The following COL9A1 variants were observed in gnomAD, a reference collection of about 807,000 sequenced individuals.
The protein encoded by COL9A1 is collagen alpha-1(IX) chain.
Under a neutral mutation model 142.6 loss-of-function variants are expected in COL9A1, and 104 were observed. The observed-to-expected ratio is 0.73, with a 90% CI of 0.62 to 0.86. The LOEUF (loss-of-function observed/expected upper bound fraction) is 0.86, where lower values mean the gene tolerates loss of function less well. COL9A1 is among the 40% of genes least tolerant of loss of function. The pLI is 0.00. For synonymous variants in COL9A1, 466 were observed against 396.0 expected (o/e 1.18, Z -2.10); for missense variants, 1,210 against 1,176.6 (o/e 1.03, Z -0.42).
At position 70,283,824 on chromosome 6, in the gene COL9A1, G is replaced by C. The variant is rs760266478; in HGVS notation, c.697-4C>G. 10 of 1,600,818 alleles carry C rather than the reference G, an allele frequency of 6.2e-6. No individual in the cohort carries two copies. In the African/African-American group the frequency reaches 1.3e-4, roughly 21 times the overall value. The stretch of plus-strand genomic sequence containing the variant: ...TCAGCATCCATTGAAGTTCAAACTG[G>C]AGAAAGGTAGTAGACAGTCAGGTAA... On this transcript the variant is annotated splice_polypyrimidine_tract_variant and splice_region_variant and intron_variant, in intron 5 of 37. Transcript: ENST00000357250.
chr6:70,218,490 G>A (rs1410952909), intron 37 of COL9A1, among the ~76,000 whole-genome samples: 1 of 152,192 alleles, frequency 6.6e-6, no homozygotes, highest in East Asian at 1.9e-4. Flanking sequence ...TGCAAAAGTG[G>A]TGATGAGAAG....
In COL9A1 at chr6:70,242,002, G is replaced by A; in HGVS notation, c.1960C>T (p.Pro654Ser). ...ATTCCAGGAAGTCCAGGGGGCCCAG[G>A]CAAGCCAGGGAGGCCAGGGCTACCC... ...SLGSPGLPGL[P>S]GPPGLPGMKG... The change falls in exon 30 of 38, where the codon CCT becomes TCT. Residue 654 changes from proline to serine, a missense_variant. Physicochemically the swap from Pro to Ser is moderately conservative, Grantham distance 74. Coordinates refer to ENST00000357250, the MANE Select transcript of COL9A1 (RefSeq NM_001851.6). 6.2e-7 allele frequency: 1 copy of A among 1,600,172 alleles called. No individual in the cohort carries two copies. The highest frequency in any genetic ancestry group is 1.3e-5 in the African/African-American group (1 of 74,666).
intron 24 of COL9A1, 33 bp downstream of exon 24, chr6:70,254,924 ACAGCCC>A (rs1771178645): frequency 6.3e-7 from 1 of 1,581,320 alleles, no homozygotes; most frequent in African/African-American, 1.3e-5. Flanking sequence ...CAGGGCAGAG[ACAGCCC>A]CACTCACTCT....
rs9455021 is a variant in COL9A1, at chr6:70,288,400, C to T, written c.697-4580G>A. ...AGCTCTTAAGTAGCCCTTGCTCCTA[C>T]ACTCTTATGTCCTTCTCTCCCTTCT... On this transcript the variant is annotated intron_variant, in intron 5 of 37. Coordinates refer to ENST00000357250, the MANE Select transcript of COL9A1 (RefSeq NM_001851.6). 5.5e-3 allele frequency among the ~76,000 whole-genome samples: 836 copies of T among 152,300 alleles called. 8 individuals carry two copies. The highest frequency in any genetic ancestry group is 0.019 in the African/African-American group (793 of 41,566).
intron 10 of COL9A1, among the ~76,000 whole-genome samples, chr6:70,276,655 A>G (rs1198483900): frequency 6.6e-6 from 1 of 152,210 alleles, no homozygotes; most frequent in African/African-American, 2.4e-5. Context: ...CGTAAGCTCC[A>G]TGAGGACAAG....
chr6:70,288,873 C>G (rs1773553336), intron 5 of COL9A1, among the ~76,000 whole-genome samples: 1 of 152,154 alleles, frequency 6.6e-6, no homozygotes, highest in Non-Finnish European at 1.5e-5. Context: ...TATGTATTTA[C>G]AGTATCTGTC....
chr6:70,279,180 T>C (rs1481803969), intron 10 of COL9A1, among the ~76,000 whole-genome samples: 1 of 152,258 alleles, frequency 6.6e-6, no homozygotes, highest in African/African-American at 2.4e-5. Context: ...TCAAGCTACA[T>C]TAGGCTACCA....
Position 70,263,996 on chromosome 6 carries a change from T to C in COL9A1, c.1342-699A>G, listed in dbSNP as rs1316624894. 3.9e-5 allele frequency among the ~76,000 whole-genome samples: 6 copies of C among 151,934 alleles called. No homozygotes were observed. The East Asian group carries it at 1.2e-3, about 29-fold the overall frequency. ...CTTTTTTCTTAGTAACGGGCCACTC[T>C]TCCAATAATAGATTCTCTCCACACA... On this transcript the variant is annotated intron_variant, in intron 18 of 37. Transcript: ENST00000357250.
rs71309305 is a variant in COL9A1 at position 70,273,941 on chromosome 6, T to TAATAAATAAATAAATA, written c.1065+90_1065+105dup. 262 of 474,154 alleles carry TAATAAATAAATAAATA rather than the reference T, an allele frequency of 5.5e-4. 1 individual carries two copies. The highest frequency in any genetic ancestry group is 1.6e-3 in the African/African-American group (70 of 45,010). The allele number at this position is 474,154 out of a possible 1,614,324, so 29.4% of individuals were successfully genotyped here. On this transcript the variant is annotated intron_variant, in intron 12 of 37. Transcript: ENST00000357250. ...ATGTACCCTAAAACTTAAAGTATAA[T>TAATAAATAAATAAATA]AATAAATAAATAAATAAATAAATAA...
At chr6:70,220,659 A>G (rs966075989) in intron 37 of COL9A1, among the ~76,000 whole-genome samples, 16 of 152,108 alleles carry the variant, frequency 1.1e-4, no homozygotes, top group Admixed American at 1.0e-3. Context: ...ACTATGTGGG[A>G]GCCTCAGTTG....
intron 18 of COL9A1, among the ~76,000 whole-genome samples, chr6:70,264,036 T>A (rs1771866435): frequency 6.6e-6 from 1 of 151,966 alleles, no homozygotes; most frequent in African/African-American, 2.4e-5. Context: ...TCAAAATTCA[T>A]CCTTAACATA....
At chr6:70,260,805 C>A in intron 19 of COL9A1, 95 bp from the exon 20 acceptor site, 1 of 1,159,374 alleles carries the variant, frequency 8.6e-7, no homozygotes, top group Non-Finnish European at 1.3e-6. Context: ...TGGATATTAT[C>A]ATAACCAAAG....
At chr6:70,240,261 G>A (rs1338711445) in intron 32 of COL9A1, among the ~76,000 whole-genome samples, 1 of 152,164 alleles carries the variant, frequency 6.6e-6, no homozygotes, top group Non-Finnish European at 1.5e-5. Context: ...CCCTTGGTCA[G>A]ATTTGTGAGT....
intron 28 of COL9A1, among the ~76,000 whole-genome samples, chr6:70,244,373 C>G (rs1481626575): frequency 6.6e-6 from 1 of 152,146 alleles, no homozygotes; most frequent in African/African-American, 2.4e-5. Context: ...ATAGATTCCT[C>G]TATCCATCTA....
intron 37 of COL9A1, among the ~76,000 whole-genome samples, chr6:70,221,751 T>C (rs1290259913): frequency 6.6e-6 from 1 of 152,212 alleles, no homozygotes; most frequent in Non-Finnish European, 1.5e-5. Context: ...GTCAGGACTC[T>C]TTATTATTAA....
chr6:70,288,809 T>C (rs1015068175), intron 5 of COL9A1, among the ~76,000 whole-genome samples: 1 of 152,160 alleles, frequency 6.6e-6, no homozygotes, highest in Non-Finnish European at 1.5e-5. Context: ...TCCAATATCC[T>C]GCTTCATTTT....
intron 17 of COL9A1, 31 bp downstream of exon 17, chr6:70,268,773 A>T: frequency 6.3e-7 from 1 of 1,597,156 alleles, no homozygotes; most frequent in South Asian, 1.1e-5. Context: ...TGTGGATAAT[A>T]CTCTTAAAAT....
Position 70,257,985 on chromosome 6 carries a change from C to T in COL9A1, c.1450-1164G>A, listed in dbSNP as rs543720240. Reference sequence around the variant, plus strand: ...GGTTCAATTTATATAAAGTAACCGGCCTATTTTCTCAAGAGCAGATCCAGT... The same window carrying T: ...GGTTCAATTTATATAAAGTAACCGGTCTATTTTCTCAAGAGCAGATCCAGT... On this transcript the variant is annotated intron_variant, in intron 20 of 37. Coordinates refer to ENST00000357250, the MANE Select transcript of COL9A1 (RefSeq NM_001851.6). 2.6e-5 allele frequency among the ~76,000 whole-genome samples: 4 copies of T among 152,274 alleles called. No homozygotes were observed. The South Asian group carries it at 8.3e-4, about 32-fold the overall frequency.
At chr6:70,265,607 A>G (rs1362422657) in intron 18 of COL9A1, among the ~76,000 whole-genome samples, 1 of 151,616 alleles carries the variant, frequency 6.6e-6, no homozygotes, top group Non-Finnish European at 1.5e-5. Flanking sequence ...TTTAAGATTC[A>G]ATGGAAGAAT....
Sources: allele counts gnomAD v4.1 joint callset (sites outside exome capture counted in the v4.1 genomes callset), GRCh38; gene constraint gnomAD v4.1.1; transcripts MANE v1.5; gene names NCBI Gene and HGNC (gene_info 2026-07-23, HGNC 2026-07-21).